The following CNTN4 variants were observed in gnomAD, a reference collection of about 807,000 sequenced individuals.
The protein encoded by CNTN4 is contactin-4.
CNTN4 carries 77 observed loss-of-function variants against 122.5 expected under a neutral mutation model. The observed-to-expected ratio is 0.63, with a 90% CI of 0.52 to 0.76. The LOEUF (loss-of-function observed/expected upper bound fraction) is 0.76, where lower values mean the gene tolerates loss of function less well. CNTN4 is among the 30% of genes least tolerant of loss of function. The pLI is 0.00. For synonymous variants in CNTN4, 512 were observed against 447.0 expected (o/e 1.15, Z -1.83); for missense variants, 1,256 against 1,259.1 (o/e 1.00, Z 0.04).
intron 3 of CNTN4, among the ~76,000 whole-genome samples, chr3:2,463,116 C>T (rs1257571782): frequency 6.6e-6 from 1 of 151,670 alleles, no homozygotes; most frequent in African/African-American, 2.4e-5. Flanking sequence ...ATGATGATGA[C>T]TAAAAGTGTC....
chr3:2,371,888 G>A (rs528082125), intron 3 of CNTN4, among the ~76,000 whole-genome samples: 26 of 152,288 alleles, frequency 1.7e-4, no homozygotes, highest in East Asian at 1.2e-3. Flanking sequence ...AATAATCAGC[G>A]CATGTAGTTG....
intron 3 of CNTN4, among the ~76,000 whole-genome samples, chr3:2,536,717 C>T (rs556167128): frequency 4.6e-5 from 7 of 151,876 alleles, no homozygotes; most frequent in Admixed American, 2.0e-4. Context: ...AGCCACAAGC[C>T]ACCCCTAAAA....
intron 8 of CNTN4, among the ~76,000 whole-genome samples, chr3:2,872,554 T>A (rs1235476903): frequency 6.6e-6 from 1 of 152,234 alleles, no homozygotes; most frequent in South Asian, 2.1e-4. Context: ...GTCTGATAGG[T>A]CCATGCATTG....
chr3:2,537,906 G>A (rs554545169), intron 3 of CNTN4, among the ~76,000 whole-genome samples: 8 of 151,974 alleles, frequency 5.3e-5, no homozygotes, highest in South Asian at 2.1e-4. Context: ...CCTCCTTCCC[G>A]TCAAGTCTCT....
At chr3:2,696,425 G>A (rs146813505) in intron 4 of CNTN4, among the ~76,000 whole-genome samples, 20 of 152,288 alleles carry the variant, frequency 1.3e-4, no homozygotes, top group African/African-American at 4.8e-4. Context: ...TATAAAAGAG[G>A]CTTCAAAGAA....
chr3:2,405,305 T>C (rs903935962), intron 3 of CNTN4, among the ~76,000 whole-genome samples: 3 of 152,178 alleles, frequency 2.0e-5, no homozygotes, highest in African/African-American at 7.2e-5. Context: ...TGAGCACACC[T>C]AGGACTCATA....
At chr3:2,924,380 C>T (rs1281151356) in intron 12 of CNTN4, among the ~76,000 whole-genome samples, 1 of 151,362 alleles carries the variant, frequency 6.6e-6, no homozygotes, top group African/African-American at 2.4e-5. Flanking sequence ...ATTTATATTT[C>T]AATTTTACAT....
chr3:2,468,560 A>T (rs6799939), intron 3 of CNTN4, among the ~76,000 whole-genome samples: 1 of 152,030 alleles, frequency 6.6e-6, no homozygotes. Flanking sequence ...TACATCAGTC[A>T]GAATGTGTTA....
intron 14 of CNTN4, among the ~76,000 whole-genome samples, chr3:2,994,186 C>T (rs1695315272): frequency 6.6e-6 from 1 of 151,986 alleles, no homozygotes; most frequent in Non-Finnish European, 1.5e-5. Flanking sequence ...TCCACCTTTA[C>T]CTCATAATTC....
intron 4 of CNTN4, among the ~76,000 whole-genome samples, chr3:2,645,791 C>T (rs1429652684): frequency 6.6e-6 from 1 of 152,172 alleles, no homozygotes; most frequent in Non-Finnish European, 1.5e-5. Context: ...CTAGTCCTTG[C>T]CTCAATACCC....
intron 3 of CNTN4, among the ~76,000 whole-genome samples, chr3:2,369,846 C>A (rs1359068836): frequency 6.6e-6 from 1 of 152,020 alleles, no homozygotes; most frequent in African/African-American, 2.4e-5. Context: ...TTTTATCCAC[C>A]CTGATAGAGT....
rs67168398 is a variant in CNTN4, at chr3:2,658,965, G to GACACAC, written c.56-77210_56-77205dup. On this transcript the variant is annotated intron_variant, in intron 4 of 24. Coordinates refer to ENST00000418658, the MANE Select transcript of CNTN4 (RefSeq NM_175607.3). Reference sequence around the variant, plus strand: ...AATAACACACCCACACACACAAACAGACACACACACACACACACACACACA... The same window carrying GACACAC: ...AATAACACACCCACACACACAAACAGACACACACACACACACACACACACACACACA... 8.4e-3 allele frequency among the ~76,000 whole-genome samples: 1,173 copies of GACACAC among 139,702 alleles called. 14 individuals are homozygous for GACACAC. The highest frequency in any genetic ancestry group is 0.013 in the Non-Finnish European group (805 of 64,004). The allele number at this position is 139,702 out of a possible 152,430, so 91.6% of individuals were successfully genotyped here. A position where few individuals can be genotyped will look rare whatever the true frequency, so the allele number is the denominator to read the frequency against.
chr3:2,473,285 G>A (rs530117645), intron 3 of CNTN4, among the ~76,000 whole-genome samples: 12 of 149,216 alleles, frequency 8.0e-5, no homozygotes, highest in Admixed American at 5.3e-4. Flanking sequence ...GCTGTACTAC[G>A]ATAGCATCTT....
At chr3:2,104,800 A>G (rs1251612567) in intron 2 of CNTN4, among the ~76,000 whole-genome samples, 2 of 152,206 alleles carry the variant, frequency 1.3e-5, no homozygotes, top group South Asian at 2.1e-4. Context: ...CAGGTTTCCA[A>G]TGAAAGCATG....
rs575096037 is a variant in CNTN4 at position 2,829,220 on chromosome 3, T to C, written c.454+9639T>C. ...AGTTGATTTAATCAGCATAGAATAA[T>C]GTAAAACAGTTTATAAGGTGATGCC... On this transcript the variant is annotated intron_variant, in intron 7 of 24. Coordinates refer to ENST00000418658, the MANE Select transcript of CNTN4 (RefSeq NM_175607.3). 6.6e-5 allele frequency among the ~76,000 whole-genome samples: 10 copies of C among 152,244 alleles called. No homozygotes were observed. In the East Asian group the frequency reaches 1.7e-3, roughly 26 times the overall value.
intron 3 of CNTN4, among the ~76,000 whole-genome samples, chr3:2,505,434 A>G (rs1181371467): frequency 2.0e-5 from 3 of 152,188 alleles, no homozygotes; most frequent in Admixed American, 2.0e-4. Flanking sequence ...TTCAAATGGA[A>G]TGTTCTATAG....
At chr3:2,592,093 C>T (rs1027302153) in intron 4 of CNTN4, among the ~76,000 whole-genome samples, 2 of 151,852 alleles carry the variant, frequency 1.3e-5, no homozygotes, top group African/African-American at 4.8e-5. Flanking sequence ...GTTTCCCAGG[C>T]GCATCTCAAA....
chr3:2,610,400 C>T (rs377732318), intron 4 of CNTN4, among the ~76,000 whole-genome samples: 1 of 152,130 alleles, frequency 6.6e-6, no homozygotes, highest in Non-Finnish European at 1.5e-5. Context: ...ATTGCTTTTG[C>T]TTCATGTGAT....
intron 13 of CNTN4, among the ~76,000 whole-genome samples, chr3:2,929,895 G>T (rs1026741007): frequency 2.0e-5 from 3 of 152,164 alleles, no homozygotes; most frequent in Non-Finnish European, 4.4e-5. Flanking sequence ...TGGATGCTGC[G>T]CAGAGGCTGA....
Sources: allele counts gnomAD v4.1 joint callset (sites outside exome capture counted in the v4.1 genomes callset), GRCh38; gene constraint gnomAD v4.1.1; transcripts MANE v1.5; gene names NCBI Gene and HGNC (gene_info 2026-07-23, HGNC 2026-07-21).